Variants in LIFR observed in about 807,000 individuals in gnomAD.
LIFR encodes the protein leukemia inhibitory factor receptor.
LIFR carries 84 observed loss-of-function variants against 122.2 expected under a neutral mutation model. The ratio of observed to expected loss-of-function variants is 0.69; its 90% confidence interval spans 0.58 to 0.82. LIFR has a LOEUF of 0.82. Among genes scored for constraint, LIFR ranks in the 40% least tolerant of loss-of-function variants. The pLI, the probability that LIFR is intolerant of heterozygous loss-of-function variation, is 0.00. For synonymous variants in LIFR, 422 were observed against 434.7 expected, an observed-to-expected ratio of 0.97 and a Z score of 0.36; for missense variants, 1,294 against 1,311.6, an observed-to-expected ratio of 0.99 and a Z score of 0.21.
At chr5:38,552,938 G>T (rs1748281366) in intron 1 of LIFR, among the ~76,000 whole-genome samples, 2 of 152,200 alleles carry the variant, frequency 1.3e-5, no homozygotes, top group African/African-American at 2.4e-5. Context: ...AATGCAATGG[G>T]TAACAAGCAG....
At chr5:38,510,814 T>A in intron 6 of LIFR, 96 bp from the exon 7 acceptor site, 1 of 1,011,776 alleles carries the variant, frequency 9.9e-7, no homozygotes, top group African/African-American at 1.6e-5. Flanking sequence ...AGATGACTTT[T>A]AAAATAGCCC....
upstream of LIFR, among the ~76,000 whole-genome samples, chr5:38,596,909 C>T (rs1253248195): frequency 1.8e-5 from 2 of 114,132 alleles, no homozygotes; most frequent in South Asian, 5.4e-4. Flanking sequence ...AAATGGCATG[C>T]AAGAAAAAAA....
intron 4 of LIFR, among the ~76,000 whole-genome samples, chr5:38,523,923 TC>T (rs1276854996): frequency 6.6e-6 from 1 of 152,204 alleles, no homozygotes; most frequent in East Asian, 1.9e-4. Flanking sequence ...CAATGCTTCA[TC>T]AGCCAAATTT....
intron 1 of LIFR, among the ~76,000 whole-genome samples, chr5:38,534,410 T>C (rs1747183959): frequency 1.3e-5 from 2 of 152,254 alleles, no homozygotes; most frequent in African/African-American, 4.8e-5. Context: ...CTGGGAAGAC[T>C]AGACTGCACA....
chr5:38,483,630 CA>C (rs1364510614), intron 18 of LIFR, among the ~76,000 whole-genome samples: 4 of 152,094 alleles, frequency 2.6e-5, no homozygotes, highest in Non-Finnish European at 4.4e-5. Flanking sequence ...AGGGTTTCAC[CA>C]TGTTGGCCAG....
intron 1 of LIFR, 46 bp from the exon 2 acceptor site, chr5:38,530,712 G>A: frequency 6.7e-7 from 1 of 1,487,256 alleles, no homozygotes; most frequent in Non-Finnish European, 9.4e-7. Flanking sequence ...TTGTTCTGAA[G>A]GCTCACCTTA....
At chr5:38,493,520 A>C in intron 14 of LIFR, 86 bp downstream of exon 14, 1 of 1,268,016 alleles carries the variant, frequency 7.9e-7, no homozygotes, top group Non-Finnish European at 1.2e-6. Context: ...AGCAGTAAAG[A>C]GAATCACTTC....
At chr5:38,607,322 C>T (rs967273877) in intron 1 of LIFR, among the ~76,000 whole-genome samples, 2 of 152,144 alleles carry the variant, frequency 1.3e-5, no homozygotes. Context: ...TAAGAAAGGT[C>T]CTTATCATAT....
intron 2 of LIFR, among the ~76,000 whole-genome samples, chr5:38,602,003 G>A (rs983676202): frequency 3.9e-5 from 6 of 152,158 alleles, no homozygotes; most frequent in African/African-American, 1.4e-4. Context: ...CTCCGTGTGT[G>A]AGTCAATTTG....
At chr5:38,602,405 C>T (rs868050761) in intron 2 of LIFR, among the ~76,000 whole-genome samples, 1 of 152,224 alleles carries the variant, frequency 6.6e-6, no homozygotes, top group Non-Finnish European at 1.5e-5. Context: ...CATGTGTGCT[C>T]ACTACCTGGA....
intron 1 of LIFR, among the ~76,000 whole-genome samples, chr5:38,533,307 A>T (rs1357673661): frequency 6.6e-6 from 1 of 152,214 alleles, no homozygotes; most frequent in Non-Finnish European, 1.5e-5. Flanking sequence ...ATGCAGAATA[A>T]ATCTGTAAGA....
intron 1 of LIFR, among the ~76,000 whole-genome samples, chr5:38,589,580 G>T (rs1749858276): frequency 6.6e-6 from 1 of 151,968 alleles, no homozygotes; most frequent in Non-Finnish European, 1.5e-5. Flanking sequence ...ATGGGAAAAG[G>T]GTTAAGGATA....
rs770074740 is a variant in LIFR, at chr5:38,523,599, C to A, written c.398-17G>T. On this transcript the variant is annotated splice_polypyrimidine_tract_variant and intron_variant, in intron 4 of 19. Transcript: ENST00000453190. ...GAATTAAGGCTTTAAAAAGAGGAAA[C>A]AAAAGAGAAAACTTAGTAAAATAAG... 51 of 1,600,412 alleles carry A rather than the reference C, an allele frequency of 3.2e-5. No individual in the cohort carries two copies. The highest frequency in any genetic ancestry group is 4.1e-5 in the Non-Finnish European group (48 of 1,168,226).
At position 38,502,765 on chromosome 5, in the gene LIFR, C is replaced by A. The variant is rs758434012; in HGVS notation, c.1472G>T (p.Ser491Ile). ...NVTIKGVENS[S>I]YLVALDKLNP... ...TAACTTGTCCAGAGCAACAAGATAA[C>A]TTGAATTTTCTACTCCTTTGATTGT... Residue 491 changes from serine to isoleucine, a missense_variant, in exon 11 of 20, where the codon AGT (serine) becomes ATT (isoleucine). Coordinates refer to ENST00000453190, the MANE Select transcript of LIFR (RefSeq NM_001127671.2). 1 of 1,606,920 alleles carries A rather than the reference C, an allele frequency of 6.2e-7. No individual in the cohort carries two copies. The highest frequency in any genetic ancestry group is 8.5e-7 in the Non-Finnish European group (1 of 1,174,132).
upstream of LIFR, chr5:38,557,825 A>G (rs1289114223): frequency 2.0e-5 from 3 of 152,260 alleles, no homozygotes; most frequent in African/African-American, 7.2e-5. Flanking sequence ...TTAGCGTCCT[A>G]ATGGCCAACT....
At position 38,484,349 on chromosome 5, in the gene LIFR, T is replaced by C. The variant is rs529964508; in HGVS notation, c.2591+426A>G. ...ATGGCTTGTTTTGTGCACCACGATATGATATCCCCCTTCACATGGAAGAGG... is the reference window on the plus strand; with the variant it reads ...ATGGCTTGTTTTGTGCACCACGATACGATATCCCCCTTCACATGGAAGAGG... On this transcript the variant is annotated intron_variant, in intron 18 of 19. Transcript: ENST00000453190. 9.3e-4 allele frequency among the ~76,000 whole-genome samples: 141 copies of C among 152,348 alleles called. 1 individual carries two copies. The highest frequency in any genetic ancestry group is 3.2e-3 in the African/African-American group (131 of 41,570).
chr5:38,534,832 A>ACACT (rs1169717413), intron 1 of LIFR, among the ~76,000 whole-genome samples: 1 of 152,042 alleles, frequency 6.6e-6, no homozygotes, highest in African/African-American at 2.4e-5. Flanking sequence ...TGTACATGAG[A>ACACT]CACTGGGTGT....
chr5:38,497,800 GT>G, intron 12 of LIFR, among the ~76,000 whole-genome samples: 1 of 152,056 alleles, frequency 6.6e-6, no homozygotes, highest in East Asian at 1.9e-4. Context: ...CCATAATACA[GT>G]TATATACATT....
chr5:38,519,042 C>T (rs1487567481), intron 5 of LIFR, among the ~76,000 whole-genome samples: 1 of 152,032 alleles, frequency 6.6e-6, no homozygotes, highest in Non-Finnish European at 1.5e-5. Context: ...TACAGCTGTA[C>T]TATGTGTTTG....
Sources: allele counts gnomAD v4.1 joint callset (sites outside exome capture counted in the v4.1 genomes callset), GRCh38; gene constraint gnomAD v4.1.1; transcripts MANE v1.5; gene names NCBI Gene and HGNC (gene_info 2026-07-23, HGNC 2026-07-21).